The following EXOC4 variants were observed in gnomAD, a reference collection of about 807,000 sequenced individuals.
EXOC4 encodes the protein SEC8-like 1.
Under a neutral mutation model 107.2 loss-of-function variants are expected in EXOC4, and 71 were observed. The ratio of observed to expected loss-of-function variants is 0.66; its 90% CI spans 0.55 to 0.81. EXOC4 has a LOEUF of 0.81. EXOC4 is among the 30% of genes least tolerant of loss of function. The pLI is 0.00. For synonymous variants in EXOC4, 456 were observed against 441.2 expected (o/e 1.03, Z -0.42); for missense variants, 1,108 against 1,189.6 (o/e 0.93, Z 1.01).
intron 17 of EXOC4, among the ~76,000 whole-genome samples, chr7:134,008,361 C>T (rs969909142): frequency 5.9e-5 from 9 of 152,096 alleles, no homozygotes; most frequent in Non-Finnish European, 1.0e-4. Flanking sequence ...AATTTTTCCA[C>T]GTTCGTTAAT....
chr7:134,035,696 C>G (rs1795373301), intron 17 of EXOC4, among the ~76,000 whole-genome samples: 1 of 151,962 alleles, frequency 6.6e-6, no homozygotes, highest in African/African-American at 2.4e-5. Flanking sequence ...AATTCAGTAG[C>G]CCATTGATGT....
At chr7:133,295,399 A>G (rs2150554543) in intron 3 of EXOC4, among the ~76,000 whole-genome samples, 1 of 152,274 alleles carries the variant, frequency 6.6e-6, no homozygotes, top group East Asian at 1.9e-4. Flanking sequence ...CTCGGCTTAC[A>G]TTAAAAATAT....
In EXOC4 at chr7:133,486,321, A is replaced by T. The variant is rs541268768; in HGVS notation, c.1417+6183A>T. On this transcript the variant is annotated intron_variant, in intron 9 of 17. Transcript: ENST00000253861. ...GAGATAGATTCACTCTGAGTTGATT[A>T]TCCATTTCTACTAAAAGGATTTATA... is the stretch of plus-strand genomic sequence containing the variant. 8.5e-5 allele frequency among the ~76,000 whole-genome samples: 13 copies of T among 152,258 alleles called. No individual in the cohort carries two copies. The South Asian group carries it at 2.3e-3, about 27-fold the overall frequency.
intron 8 of EXOC4, among the ~76,000 whole-genome samples, chr7:133,476,975 C>CTTA (rs1799029747): frequency 6.6e-6 from 1 of 151,664 alleles, no homozygotes; most frequent in African/African-American, 2.4e-5. Flanking sequence ...GCATGTGATT[C>CTTA]TCCCTGTGAA....
chr7:133,830,098 T>C (rs1009985783), intron 11 of EXOC4, among the ~76,000 whole-genome samples: 1 of 152,228 alleles, frequency 6.6e-6, no homozygotes, highest in Non-Finnish European at 1.5e-5. Context: ...TACAGATAAC[T>C]ACACTTAAAT....
At chr7:133,720,987 A>G (rs1242735337) in intron 10 of EXOC4, among the ~76,000 whole-genome samples, 1 of 152,142 alleles carries the variant, frequency 6.6e-6, no homozygotes, top group Non-Finnish European at 1.5e-5. Flanking sequence ...TGATGTTGAA[A>G]TGGTAATTTT....
the EXOC4 span, among the ~76,000 whole-genome samples, chr7:134,084,336 C>G: frequency 6.6e-6 from 1 of 152,164 alleles, no homozygotes; most frequent in Non-Finnish European, 1.5e-5. Context: ...GCCAGTGTTA[C>G]AGACAGTTTA....
intron 10 of EXOC4, among the ~76,000 whole-genome samples, chr7:133,673,187 C>T (rs981145518): frequency 1.3e-5 from 2 of 152,156 alleles, no homozygotes; most frequent in Non-Finnish European, 2.9e-5. Context: ...TCTGGACTTT[C>T]TCTTTCTCCC....
At chr7:133,814,165 G>A (rs1192138664) in intron 10 of EXOC4, among the ~76,000 whole-genome samples, 1 of 151,892 alleles carries the variant, frequency 6.6e-6, no homozygotes, top group East Asian at 1.9e-4. Flanking sequence ...GCCTCCTATG[G>A]GTACTTAGTC....
chr7:133,998,433 A>G (rs780024068), intron 15 of EXOC4, among the ~76,000 whole-genome samples: 2 of 152,212 alleles, frequency 1.3e-5, no homozygotes, highest in Non-Finnish European at 2.9e-5. Context: ...CAAAGTAACA[A>G]GAATGATCAG....
At chr7:133,652,188 T>C (rs767965546) in intron 10 of EXOC4, among the ~76,000 whole-genome samples, 4 of 152,176 alleles carry the variant, frequency 2.6e-5, no homozygotes, top group Admixed American at 1.3e-4. Context: ...ATACTTATAA[T>C]AGAAGAATGC....
chr7:133,260,036 C>CTT (rs60953641), intron 1 of EXOC4, among the ~76,000 whole-genome samples: 2 of 150,322 alleles, frequency 1.3e-5, no homozygotes, highest in Admixed American at 1.3e-4. Flanking sequence ...TTTTCCAGTA[C>CTT]TTTTTTTTTT....
intron 9 of EXOC4, among the ~76,000 whole-genome samples, chr7:133,597,453 C>G (rs1433735800): frequency 1.3e-5 from 2 of 149,570 alleles, no homozygotes; most frequent in African/African-American, 4.9e-5. Context: ...GCTCGGCAGG[C>G]TGAGGCAGGA....
At chr7:133,453,871 ATTTTCT>A in intron 7 of EXOC4, among the ~76,000 whole-genome samples, 1 of 152,084 alleles carries the variant, frequency 6.6e-6, no homozygotes, top group Non-Finnish European at 1.5e-5. Context: ...CAGCTAGATG[ATTTTCT>A]TTGTATATAA....
In EXOC4 at chr7:133,386,324, C is replaced by G. The variant is rs184587898; in HGVS notation, c.1182+11322C>G. ...GTGGTCACTGGGCCTCCCACCATTC[C>G]TCTCCAGAGCTGATGGTAATTGCAA... is the stretch of plus-strand genomic sequence containing the variant. On this transcript the variant is annotated intron_variant, in intron 7 of 17. Coordinates refer to ENST00000253861, the MANE Select transcript of EXOC4 (RefSeq NM_021807.4). 2.8e-3 allele frequency among the ~76,000 whole-genome samples: 429 copies of G among 152,298 alleles called. 1 individual carries two copies. Among genetic ancestry groups the G allele is most frequent in the Non-Finnish European group, 3.8e-3 (260 of 68,030 alleles).
intron 7 of EXOC4, among the ~76,000 whole-genome samples, chr7:133,430,270 TC>T (rs1797826067): frequency 6.6e-6 from 1 of 152,294 alleles, no homozygotes; most frequent in East Asian, 1.9e-4. Context: ...AATGCTCTGT[TC>T]CTCTGCCAAT....
rs116995932 is a variant in EXOC4, at chr7:134,016,763, C to T, written c.2687+8928C>T. ...TTTATTTCCTACAAACCTGTTGCACCGGGAACATTACTTTTGTTTTCTGCA... is the reference window on the plus strand; with the variant it reads ...TTTATTTCCTACAAACCTGTTGCACTGGGAACATTACTTTTGTTTTCTGCA... On this transcript the variant is annotated intron_variant, in intron 17 of 17. Transcript: ENST00000253861. Among the ~76,000 whole-genome samples, 8 of 152,254 alleles carry T rather than the reference C, an allele frequency of 5.3e-5. No homozygotes were observed. In the East Asian group the frequency reaches 5.8e-4, roughly 11 times the overall value.
intron 7 of EXOC4, among the ~76,000 whole-genome samples, chr7:133,451,188 T>C (rs1798337950): frequency 6.6e-6 from 1 of 151,706 alleles, no homozygotes; most frequent in Non-Finnish European, 1.5e-5. Flanking sequence ...CTGTATTGTG[T>C]GTGGGTCCAG....
chr7:133,939,771 C>T (rs543540793), intron 14 of EXOC4, among the ~76,000 whole-genome samples: 4 of 152,308 alleles, frequency 2.6e-5, no homozygotes, highest in South Asian at 2.1e-4. Flanking sequence ...CACAGTATTA[C>T]TTTTGAGCAG....
Sources: allele counts gnomAD v4.1 joint callset (sites outside exome capture counted in the v4.1 genomes callset), GRCh38; gene constraint gnomAD v4.1.1; transcripts MANE v1.5; gene names NCBI Gene and HGNC (gene_info 2026-07-23, HGNC 2026-07-21).